The following CLUL1 variants were observed in gnomAD, a reference collection of about 807,000 sequenced individuals.
The protein encoded by CLUL1 is clusterin like 1.
CLUL1 carries 43 observed loss-of-function variants against 49.4 expected under a neutral mutation model. The observed-to-expected ratio is 0.87, with a 90% CI of 0.68 to 1.12. CLUL1 has a LOEUF of 1.12. CLUL1 is among the 50% of genes most tolerant of loss of function. CLUL1 has a pLI of 0.00. For synonymous variants in CLUL1, 192 were observed against 184.9 expected, an observed-to-expected ratio of 1.04 and a Z score of -0.31; for missense variants, 486 against 544.4, an observed-to-expected ratio of 0.89 and a Z score of 1.07.
At chr18:603,467 A>ATT (rs59890234) in intron 1 of CLUL1, among the ~76,000 whole-genome samples, 1 of 152,098 alleles carries the variant, frequency 6.6e-6, no homozygotes, top group African/African-American at 2.4e-5. Context: ...ACTTAAAAAA[A>ATT]TTTTTTTTGA....
rs769127814 is a variant in CLUL1, at chr18:643,976, G to C, written c.1210-934G>C. ...ACCACTTTGCTAAACTGCCTGTGAA[G>C]TTACTTTTCTCAAAACAGCTCCTAT... On this transcript the variant is annotated intron_variant, in intron 8 of 9. Transcript: ENST00000692774. Among the ~76,000 whole-genome samples the C allele has an allele frequency of 2.0e-5, 3 of 152,286 alleles. No homozygotes were observed. The South Asian group carries it at 6.2e-4, about 32-fold the overall frequency.
At chr18:619,083 G>C (rs973257527) in intron 3 of CLUL1, 130 bp from the exon 4 acceptor site, 11 of 824,224 alleles carry the variant, frequency 1.3e-5, no homozygotes, top group Non-Finnish European at 1.9e-5. Context: ...AATTCATTAT[G>C]ATCTGCTTTC....
At position 607,103 on chromosome 18, in the gene CLUL1, T is replaced by G. The variant is rs1598409751; in HGVS notation, c.-14+4T>G. 2 of 701,994 alleles carry G rather than the reference T, an allele frequency of 2.8e-6. No homozygotes were observed. The highest frequency in any genetic ancestry group is 2.6e-6 in the Non-Finnish European group (1 of 384,730). The allele number at this position is 701,994 out of a possible 1,614,324, so 43.5% of individuals were successfully genotyped here. Reference sequence around the variant, plus strand: ...CCATGAGGACCTGGGACTACAGGTATGCACCGCTATACCCGTCTATCTTTT... The same window carrying G: ...CCATGAGGACCTGGGACTACAGGTAGGCACCGCTATACCCGTCTATCTTTT... On this transcript the variant is annotated splice_donor_region_variant and intron_variant, in intron 2 of 9. Coordinates refer to ENST00000692774, the MANE Select transcript of CLUL1 (RefSeq NM_001393344.1).
chr18:632,334 A>ATGTG lies in CLUL1; in HGVS notation c.857-946_857-943dup, dbSNP rs34398863. Among the ~76,000 whole-genome samples, 496 of 151,066 alleles carry ATGTG rather than the reference A, an allele frequency of 3.3e-3. 3 individuals are homozygous for ATGTG. Among genetic ancestry groups the ATGTG allele is most frequent in the African/African-American group, 0.011 (467 of 41,050 alleles). The stretch of plus-strand genomic sequence containing the variant: ...CTCGCACACATATGTGTGTATATAT[A>ATGTG]TGTGTGTGTGTGTGTGTGTGTATAT... On this transcript the variant is annotated intron_variant, in intron 6 of 9. Transcript: ENST00000692774.
chr18:629,860 C>T (rs914692426), intron 6 of CLUL1, among the ~76,000 whole-genome samples: 21 of 152,162 alleles, frequency 1.4e-4, no homozygotes, highest in Admixed American at 3.9e-4. Flanking sequence ...GTCAGGCAGG[C>T]GCTCTACAGC....
intron 8 of CLUL1, among the ~76,000 whole-genome samples, chr18:643,427 C>T (rs576393767): frequency 6.7e-4 from 102 of 152,256 alleles, no homozygotes; most frequent in Non-Finnish European, 3.8e-4. Flanking sequence ...TGATCATCCT[C>T]GCATATATAG....
At chr18:647,073 A>G (rs1245937554) in intron 9 of CLUL1, among the ~76,000 whole-genome samples, 2 of 152,126 alleles carry the variant, frequency 1.3e-5, no homozygotes, top group South Asian at 2.1e-4. Flanking sequence ...TTAAAAATAC[A>G]TCAATTAATT....
chr18:609,776 A>T (rs1455833526), intron 2 of CLUL1, among the ~76,000 whole-genome samples: 1 of 150,694 alleles, frequency 6.6e-6, no homozygotes, highest in Non-Finnish European at 1.5e-5. Flanking sequence ...GAGAGCAGAG[A>T]TCACTCCATT....
chr18:635,726 C>T (rs1377859224), intron 7 of CLUL1, among the ~76,000 whole-genome samples: 3 of 152,048 alleles, frequency 2.0e-5, no homozygotes, highest in African/African-American at 4.8e-5. Context: ...TGCAACAAAT[C>T]GCGCCGTTCA....
rs9989626 is a variant in CLUL1, at chr18:606,495, G to A, written c.-135-483G>A. ...TCATGACATTTCTTTGCAAAGTCCCGGAACCCACAGCTCTGAGACTCTGGC... is the reference window on the plus strand; with the variant it reads ...TCATGACATTTCTTTGCAAAGTCCCAGAACCCACAGCTCTGAGACTCTGGC... On this transcript the variant is annotated intron_variant, in intron 1 of 9. Coordinates refer to ENST00000692774, the MANE Select transcript of CLUL1 (RefSeq NM_001393344.1). The surrounding 1 kb of genome is among the most constrained non-coding windows in gnomAD (Gnocchi z 4.1). Among the ~76,000 whole-genome samples the A allele has an allele frequency of 3.3e-3, 502 of 152,152 alleles. 2 individuals are homozygous for A. Among genetic ancestry groups the A allele is most frequent in the African/African-American group, 0.011 (464 of 41,534 alleles).
intron 8 of CLUL1, 90 bp downstream of exon 8, chr18:641,631 G>A (rs764835457): frequency 8.9e-5 from 100 of 1,129,278 alleles, no homozygotes; most frequent in Non-Finnish European, 1.2e-4. Context: ...GTCTGAATTT[G>A]AAAACAAGCT....
intron 7 of CLUL1, among the ~76,000 whole-genome samples, chr18:637,195 C>T (rs2144145426): frequency 6.6e-6 from 1 of 151,840 alleles, no homozygotes; most frequent in East Asian, 2.0e-4. Context: ...ACCGTGTTAG[C>T]CAGGATGGTC....
rs963222703 is a variant in CLUL1 at position 619,072 on chromosome 18, T to G, written c.107-141T>G. On this transcript the variant is annotated intron_variant, in intron 3 of 9. Coordinates refer to ENST00000692774, the MANE Select transcript of CLUL1 (RefSeq NM_001393344.1). The stretch of plus-strand genomic sequence containing the variant: ...CTGGGTCCATGTGGCAGCTGACAGC[T>G]AATTCATTATGATCTGCTTTCAGAA... 5.5e-6 allele frequency: 4 copies of G among 723,636 alleles called. No homozygotes were observed. The African/African-American group carries it at 7.2e-5, about 13-fold the overall frequency. 44.8% of individuals were successfully genotyped at this position (723,636 alleles called of 1,614,324 possible).
chr18:645,640 A>T (rs949514315), intron 9 of CLUL1, among the ~76,000 whole-genome samples: 2 of 150,744 alleles, frequency 1.3e-5, no homozygotes, highest in African/African-American at 4.9e-5. Flanking sequence ...CTAAAATAAA[A>T]AAAATTAGCC....
chr18:612,452 G>A (rs2073162956), intron 2 of CLUL1, among the ~76,000 whole-genome samples: 1 of 152,138 alleles, frequency 6.6e-6, no homozygotes, highest in Non-Finnish European at 1.5e-5. Flanking sequence ...TGTGCCACGT[G>A]CACCCCTCGC....
rs758713595 is a variant in CLUL1 at position 624,990 on chromosome 18, T to G, written c.381T>G (p.Ile127Met). The change falls in exon 5 of 10, where the codon ATT becomes ATG. Residue 127 changes from isoleucine to methionine, a missense_variant. Physicochemically the swap from Ile to Met is conservative, Grantham distance 10. Coordinates refer to ENST00000692774, the MANE Select transcript of CLUL1 (RefSeq NM_001393344.1). ...RSCLENNCMR[I>M]YTTCQPSWSS... Reference sequence around the variant, plus strand: ...GCCTGGAAAATAACTGCATGAGAATTTATACAACCTGCCAACCTAGCTGGT... The same window carrying G: ...GCCTGGAAAATAACTGCATGAGAATGTATACAACCTGCCAACCTAGCTGGT... 6.2e-7 allele frequency: 1 copy of G among 1,614,118 alleles called. No homozygotes were observed. Among genetic ancestry groups the G allele is most frequent in the Admixed American group, 1.7e-5 (1 of 60,022 alleles).
At chr18:604,909 T>C (rs2072929366) in intron 1 of CLUL1, among the ~76,000 whole-genome samples, 1 of 152,138 alleles carries the variant, frequency 6.6e-6, no homozygotes, top group Non-Finnish European at 1.5e-5. Context: ...TCCTGGTGGC[T>C]CCACCGCCCT....
In CLUL1 at chr18:618,049, G is replaced by A. The variant is rs2073357435; in HGVS notation, c.49G>A (p.Asp17Asn). Residue 17 changes from aspartate (D) to asparagine (N), a missense_variant, in exon 3 of 10, where the codon GAC becomes AAC. By Grantham distance (23) the Asp-to-Asn change is conservative (BLOSUM62 1). Transcript: ENST00000692774. This position sits in a 1 kb window ranked among gnomAD's most constrained non-coding sequence, Gnocchi z 4.2. ...TATTGTGTGTCTGCTGTGGTTGAAA[G>A]ACAGTCACTGCGCACCCACTTGGAA... is the stretch of plus-strand genomic sequence containing the variant. ...VFIVCLLWLK[D>N]SHCAPTWKDK... is the part of the protein sequence containing the mutation. 6.2e-7 allele frequency: 1 copy of A among 1,614,090 alleles called. No individual in the cohort carries two copies.
At chr18:613,242 G>A (rs953409637) in intron 2 of CLUL1, 16 of 452,184 alleles carry the variant, frequency 3.5e-5, no homozygotes, top group Admixed American at 1.9e-4. Context: ...AGGTTCAAGC[G>A]ATTCTCCTGC....
Sources: gnomAD v4.1 joint callset for allele counts (sites outside exome capture counted in the v4.1 genomes callset) on GRCh38, gnomAD v4.1.1 for gene constraint, Gnocchi (gnomAD v3.1) non-coding constraint, MANE v1.5 for transcripts, NCBI Gene and HGNC (gene_info 2026-07-23, HGNC 2026-07-21) for gene names.